The following DSCAM variants were observed in gnomAD, a reference collection of about 807,000 sequenced individuals.
DSCAM encodes cell adhesion molecule DSCAM.
In DSCAM, 47 loss-of-function variants were observed where a neutral mutation model predicts 217.7. That is an observed-to-expected ratio of 0.22 (90% CI 0.17 to 0.28). The LOEUF (loss-of-function observed/expected upper bound fraction) is 0.28, where lower values mean the gene tolerates loss of function less well. DSCAM is among the 10% of genes least tolerant of loss of function. The pLI, the probability that DSCAM is intolerant of heterozygous loss-of-function variation, is 1.00. For synonymous variants in DSCAM, 1,056 were observed against 1,015.3 expected (o/e 1.04, Z -0.76); for missense variants, 2,080 against 2,618.3 (o/e 0.79, Z 4.49).
intron 6 of DSCAM, among the ~76,000 whole-genome samples, chr21:40,340,561 T>C (rs953008356): frequency 7.9e-5 from 12 of 152,298 alleles, no homozygotes; most frequent in African/African-American, 2.4e-4. Flanking sequence ...TTTGACATAA[T>C]TGCAATCACA....
chr21:40,066,589 G>A (rs955444576), intron 27 of DSCAM, among the ~76,000 whole-genome samples: 3 of 152,162 alleles, frequency 2.0e-5, no homozygotes, highest in African/African-American at 4.8e-5. Flanking sequence ...CTCATTATAC[G>A]TGTTGCAAAT....
At chr21:40,020,522 T>C (rs1286727219) in intron 32 of DSCAM, among the ~76,000 whole-genome samples, 4 of 149,952 alleles carry the variant, frequency 2.7e-5, no homozygotes, top group Non-Finnish European at 5.9e-5. Context: ...GTGGTGTGTG[T>C]GTGTGTGTGA....
chr21:40,179,184 CAAAAAAAAAAAAAAA>C (rs11286508), intron 14 of DSCAM, 90 bp from the exon 15 acceptor site: 4 of 102,620 alleles, frequency 3.9e-5, no homozygotes, highest in African/African-American at 5.4e-5. Flanking sequence ...AATTAAAAAC[CAAAAAAAAAAAAAAA>C]AAAAAAAAAA....
chr21:40,014,939 G>A lies in DSCAM; in HGVS notation c.5687-1553C>T, dbSNP rs140664018. Among the ~76,000 whole-genome samples, 10 of 152,216 alleles carry A rather than the reference G, an allele frequency of 6.6e-5. No homozygotes were observed. The East Asian group carries it at 1.9e-3, about 29-fold the overall frequency. On this transcript the variant is annotated intron_variant, in intron 32 of 32. Coordinates refer to ENST00000400454, the MANE Select transcript of DSCAM (RefSeq NM_001389.5). ...ATTTGATGCCGTTGATATTTTTGTT[G>A]TTGGCCCTTTCAGCTGCCAGGGCAC... is the stretch of plus-strand genomic sequence containing the variant.
At chr21:40,096,101 C>T (rs1346833117) in intron 20 of DSCAM, among the ~76,000 whole-genome samples, 5 of 152,110 alleles carry the variant, frequency 3.3e-5, no homozygotes, top group Non-Finnish European at 2.9e-5. Flanking sequence ...CAAAGTTATC[C>T]CTCTGCTCAC....
At chr21:40,601,338 C>G (rs917540137) in intron 3 of DSCAM, among the ~76,000 whole-genome samples, 2 of 152,104 alleles carry the variant, frequency 1.3e-5, no homozygotes, top group African/African-American at 4.8e-5. Context: ...CATTGGAAAG[C>G]AATTGACTTT....
At chr21:40,832,117 A>T (rs2092016097) in intron 1 of DSCAM, among the ~76,000 whole-genome samples, 1 of 152,200 alleles carries the variant, frequency 6.6e-6, no homozygotes, top group Non-Finnish European at 1.5e-5. Flanking sequence ...AAAAATACCC[A>T]TTTGACTGAG....
intron 27 of DSCAM, among the ~76,000 whole-genome samples, chr21:40,069,624 G>A (rs1289607826): frequency 6.6e-6 from 1 of 152,150 alleles, no homozygotes; most frequent in African/African-American, 2.4e-5. Flanking sequence ...CTTCTACTGG[G>A]CAGTCACTTG....
At chr21:40,312,934 G>A (rs1213339790) in intron 8 of DSCAM, among the ~76,000 whole-genome samples, 2 of 151,780 alleles carry the variant, frequency 1.3e-5, no homozygotes, top group African/African-American at 4.8e-5. Flanking sequence ...GCAACATAAC[G>A]GGACCCCCAT....
intron 16 of DSCAM, among the ~76,000 whole-genome samples, chr21:40,166,486 C>A (rs2090596073): frequency 6.6e-6 from 1 of 152,174 alleles, no homozygotes; most frequent in African/African-American, 2.4e-5. Flanking sequence ...ATGCTACTGA[C>A]CTGAAGGCCA....
chr21:40,423,838 T>C, intron 3 of DSCAM, among the ~76,000 whole-genome samples: 1 of 152,242 alleles, frequency 6.6e-6, no homozygotes, highest in Middle Eastern at 3.4e-3. Flanking sequence ...TCATAGATGT[T>C]CCTGCTATCA....
intron 26 of DSCAM, among the ~76,000 whole-genome samples, chr21:40,078,447 G>A (rs1302360853): frequency 6.6e-6 from 1 of 152,178 alleles, no homozygotes; most frequent in East Asian, 1.9e-4. Flanking sequence ...CCTGCCCCAT[G>A]ACTCCCCAGT....
chr21:40,803,743 A>G (rs2123509082), intron 1 of DSCAM, among the ~76,000 whole-genome samples: 1 of 152,244 alleles, frequency 6.6e-6, no homozygotes, highest in East Asian at 1.9e-4. Context: ...TGGATAGATC[A>G]GACAGGAAGG....
intron 3 of DSCAM, among the ~76,000 whole-genome samples, chr21:40,577,614 G>A (rs566219622): frequency 1.6e-4 from 25 of 152,176 alleles, no homozygotes; most frequent in East Asian, 3.9e-4. Flanking sequence ...TTTATTAGCC[G>A]GCGACGAGAG....
rs937671731 is a variant in DSCAM, at chr21:40,116,708, A to G, written c.3696+7487T>C. 9.2e-5 allele frequency among the ~76,000 whole-genome samples: 14 copies of G among 151,734 alleles called. 1 individual carries two copies. Among genetic ancestry groups the G allele is most frequent in the South Asian group, 2.1e-4 (1 of 4,786 alleles). ...GATTTTCCATTATTAAAAAAAAAAA[A>G]AGAGAGAGATTCGACCGGGCGCGGT... On this transcript the variant is annotated intron_variant, in intron 20 of 32. Transcript: ENST00000400454.
At chr21:40,476,727 G>A (rs1426941571) in intron 3 of DSCAM, among the ~76,000 whole-genome samples, 2 of 152,104 alleles carry the variant, frequency 1.3e-5, no homozygotes, top group African/African-American at 4.8e-5. Flanking sequence ...CATAGGGAAA[G>A]CTTTGATGGG....
intron 3 of DSCAM, among the ~76,000 whole-genome samples, chr21:40,465,533 A>G (rs970287060): frequency 6.6e-6 from 1 of 152,206 alleles, no homozygotes; most frequent in Non-Finnish European, 1.5e-5. Context: ...CGAGCCATTC[A>G]TCTCATTTCC....
intron 15 of DSCAM, among the ~76,000 whole-genome samples, chr21:40,175,770 A>ACC (rs1555886068): frequency 7.9e-6 from 1 of 126,354 alleles, no homozygotes; most frequent in African/African-American, 3.2e-5. Context: ...ATATTTTCTC[A>ACC]ACACACACAT....
At chr21:40,569,957 A>G (rs1437313790) in intron 3 of DSCAM, among the ~76,000 whole-genome samples, 2 of 152,236 alleles carry the variant, frequency 1.3e-5, no homozygotes, top group Non-Finnish European at 2.9e-5. Flanking sequence ...GGACAAATGT[A>G]GTGAACAAAA....
Sources: gnomAD v4.1 joint callset for allele counts (sites outside exome capture counted in the v4.1 genomes callset) on GRCh38, gnomAD v4.1.1 for gene constraint, MANE v1.5 for transcripts, NCBI Gene and HGNC (gene_info 2026-07-23, HGNC 2026-07-21) for gene names.